Variants in GALNT18 observed in about 807,000 individuals in gnomAD.
The protein encoded by GALNT18 is GalNAc-transferase 18.
Under a neutral mutation model 69.5 loss-of-function variants are expected in GALNT18, and 44 were observed. The observed-to-expected ratio is 0.63, with a 90% CI of 0.50 to 0.81. GALNT18 has a LOEUF of 0.81. GALNT18 is among the 40% of genes least tolerant of loss of function. GALNT18 has a pLI of 0.00. For synonymous variants in GALNT18, 364 were observed against 318.2 expected, an observed-to-expected ratio of 1.14 and a Z score of -1.53; for missense variants, 715 against 810.0, an observed-to-expected ratio of 0.88 and a Z score of 1.42.
rs921478002 is a variant in GALNT18, at chr11:11,480,817, G to A, written c.236-31881C>T. On this transcript the variant is annotated intron_variant, in intron 1 of 10. Transcript: ENST00000227756. The surrounding 1 kb of genome is among the most constrained non-coding windows in gnomAD (Gnocchi z 4.6). The stretch of plus-strand genomic sequence containing the variant: ...GTGCTATGTGATAGAAGGTTCTGTG[G>A]TGAAATGGCTAAGGGAATTACTGCT... Among the ~76,000 whole-genome samples, 6 of 152,182 alleles carry A rather than the reference G, an allele frequency of 3.9e-5. No homozygotes were observed. The highest frequency in any genetic ancestry group is 1.4e-4 in the African/African-American group (6 of 41,452).
rs573215020 is a variant in GALNT18, at chr11:11,608,679, G to A, written c.235+12680C>T. ...CCTGGCCGATTGTCTTCATTTCTAT[G>A]CTTGGGGAAACTGAGGCCCTGCAAG... On this transcript the variant is annotated intron_variant, in intron 1 of 10. Transcript: ENST00000227756. Among the ~76,000 whole-genome samples, 15 of 152,238 alleles carry A rather than the reference G, an allele frequency of 9.9e-5. No individual in the cohort carries two copies. The East Asian group carries it at 2.5e-3, about 26-fold the overall frequency.
intron 8 of GALNT18, among the ~76,000 whole-genome samples, chr11:11,327,818 T>A (rs1161861784): frequency 6.6e-6 from 1 of 152,218 alleles, no homozygotes; most frequent in African/African-American, 2.4e-5. Context: ...TTATATTCAA[T>A]GTTACTTTCT....
At chr11:11,395,249 C>A (rs185673591) in intron 3 of GALNT18, among the ~76,000 whole-genome samples, 5 of 152,292 alleles carry the variant, frequency 3.3e-5, no homozygotes, top group Admixed American at 6.5e-5. Flanking sequence ...CCCAAGAGAG[C>A]CACAGAAGAC....
At chr11:11,548,512 T>C (rs1213852293) in intron 1 of GALNT18, among the ~76,000 whole-genome samples, 1 of 152,184 alleles carries the variant, frequency 6.6e-6, no homozygotes, top group African/African-American at 2.4e-5. Context: ...CTGCATGGCC[T>C]CCATGTCCTC....
chr11:11,612,507 G>A (rs868215620), intron 1 of GALNT18, among the ~76,000 whole-genome samples: 7 of 152,214 alleles, frequency 4.6e-5, no homozygotes, highest in Non-Finnish European at 5.9e-5. Context: ...TAAATCCCCA[G>A]ATGCCGCTAG....
intron 1 of GALNT18, among the ~76,000 whole-genome samples, chr11:11,515,225 C>G (rs748750868): frequency 5.9e-5 from 9 of 152,122 alleles, no homozygotes; most frequent in Admixed American, 2.0e-4. Flanking sequence ...GTACTAGGCA[C>G]AGCAAATGAC....
chr11:11,476,556 T>G (rs899959563), intron 1 of GALNT18: 1 of 152,226 alleles, frequency 6.6e-6, no homozygotes, highest in Non-Finnish European at 1.5e-5. Context: ...ACTCTTGTTC[T>G]GCTATGGACA....
At chr11:11,532,624 C>T (rs1189986601) in intron 1 of GALNT18, among the ~76,000 whole-genome samples, 1 of 152,222 alleles carries the variant, frequency 6.6e-6, no homozygotes, top group Non-Finnish European at 1.5e-5. Flanking sequence ...CTGGTCAATG[C>T]CTGTGCTCAG....
At chr11:11,294,869 G>C (rs1455503943) in intron 9 of GALNT18, among the ~76,000 whole-genome samples, 1 of 152,160 alleles carries the variant, frequency 6.6e-6, no homozygotes, top group Non-Finnish European at 1.5e-5. Flanking sequence ...CTCATCACTA[G>C]TGCTCCCCTG....
At chr11:11,553,008 A>G (rs1358108398) in intron 1 of GALNT18, among the ~76,000 whole-genome samples, 1 of 152,090 alleles carries the variant, frequency 6.6e-6, no homozygotes, top group Non-Finnish European at 1.5e-5. Flanking sequence ...GGTGAGTTTA[A>G]TCTAGATCAG....
rs1285745331 is a variant in GALNT18, at chr11:11,613,208, T to C, written c.235+8151A>G. ...GCTTAAGTGTTCATATAACAAGGAATCCTCTTGCTTAAAGTTCCAGTTGGC... is the reference window on the plus strand; with the variant it reads ...GCTTAAGTGTTCATATAACAAGGAACCCTCTTGCTTAAAGTTCCAGTTGGC... On this transcript the variant is annotated intron_variant, in intron 1 of 10. Transcript: ENST00000227756. This position sits in a 1 kb window ranked among gnomAD's most constrained non-coding sequence, Gnocchi z 4.2. Among the ~76,000 whole-genome samples, 1 of 152,152 alleles carries C rather than the reference T, an allele frequency of 6.6e-6. No individual in the cohort carries two copies. Among genetic ancestry groups the C allele is most frequent in the African/African-American group, 2.4e-5 (1 of 41,422 alleles).
At position 11,340,968 on chromosome 11, in the gene GALNT18, A is replaced by G; in HGVS notation, c.1129T>C (p.Cys377Arg). ...CGCTCAATGTGGGCAATCCGTGAGC[A>G]GGGCAGGACCTCCACACTCCCGCCA... ...QCGGSVEVLPCSRIAHIERAH... is the reference protein window; with the variant it reads ...QCGGSVEVLPRSRIAHIERAH... Residue 377 changes from cysteine to arginine, a missense_variant, in exon 7 of 11, where the codon TGC becomes CGC. Coordinates refer to ENST00000227756, the MANE Select transcript of GALNT18 (RefSeq NM_198516.3). The surrounding 1 kb of genome is among the most constrained non-coding windows in gnomAD (Gnocchi z 4.2). The G allele has an allele frequency of 6.2e-7, 1 of 1,612,308 alleles. No homozygotes were observed. The highest frequency in any genetic ancestry group is 8.5e-7 in the Non-Finnish European group (1 of 1,178,942).
rs1003783578 is a variant in GALNT18, at chr11:11,500,690, C to T, written c.236-51754G>A. Among the ~76,000 whole-genome samples, 1 of 152,216 alleles carries T rather than the reference C, an allele frequency of 6.6e-6. No homozygotes were observed. Among genetic ancestry groups the T allele is most frequent in the Admixed American group, 6.5e-5 (1 of 15,286 alleles). On this transcript the variant is annotated intron_variant, in intron 1 of 10. Transcript: ENST00000227756. The surrounding 1 kb of genome is among the most constrained non-coding windows in gnomAD (Gnocchi z 5.0). ...CCCATGCACAGCACAGAGTCAGCCT[C>T]AGCACGTTTTAGCACCCACAACCCC...
In GALNT18 at chr11:11,617,002, C is replaced by A. The variant is rs1044812534; in HGVS notation, c.235+4357G>T. Among the ~76,000 whole-genome samples the A allele has an allele frequency of 2.0e-5, 3 of 152,132 alleles. No individual in the cohort carries two copies. The highest frequency in any genetic ancestry group is 7.2e-5 in the African/African-American group (3 of 41,422). ...ACAAAAATCGTAACAATTTAGGCTA[C>A]TACACTGAGACTGCTTCATAAGCAC... On this transcript the variant is annotated intron_variant, in intron 1 of 10. Transcript: ENST00000227756. This position sits in a 1 kb window ranked among gnomAD's most constrained non-coding sequence, Gnocchi z 4.7.
chr11:11,441,528 A>C (rs1489165918), intron 2 of GALNT18, among the ~76,000 whole-genome samples: 1 of 152,186 alleles, frequency 6.6e-6, no homozygotes, highest in Non-Finnish European at 1.5e-5. Flanking sequence ...TCGGCCACAT[A>C]GCGCCTGTGG....
At chr11:11,451,444 T>C (rs1272655440) in intron 1 of GALNT18, among the ~76,000 whole-genome samples, 1 of 152,154 alleles carries the variant, frequency 6.6e-6, no homozygotes, top group Admixed American at 6.5e-5. Context: ...TATAAACATA[T>C]TAAAGTCCTG....
chr11:11,448,613 G>A (rs1223651219), intron 2 of GALNT18, 131 bp downstream of exon 2: 2 of 654,940 alleles, frequency 3.1e-6, no homozygotes, highest in African/African-American at 3.8e-5. Flanking sequence ...AAGCCGAGGG[G>A]ACAGGCCCTG....
At chr11:11,344,229 G>A (rs532858923) in intron 6 of GALNT18, among the ~76,000 whole-genome samples, 26 of 144,850 alleles carry the variant, frequency 1.8e-4, no homozygotes, top group African/African-American at 5.6e-4. Context: ...CTGTAGCCAC[G>A]CTATTTTTTT....
At position 11,583,586 on chromosome 11, in the gene GALNT18, T is replaced by A. The variant is rs1203350304; in HGVS notation, c.235+37773A>T. Among the ~76,000 whole-genome samples, 2 of 152,162 alleles carry A rather than the reference T, an allele frequency of 1.3e-5. No homozygotes were observed. The highest frequency in any genetic ancestry group is 1.3e-4 in the Admixed American group (2 of 15,264). ...CCACCTGGCCCCAGCAAAGGATACA[T>A]TTACATCTCATTCCCCAAATGTAGG... On this transcript the variant is annotated intron_variant, in intron 1 of 10. Transcript: ENST00000227756. The surrounding 1 kb of genome is among the most constrained non-coding windows in gnomAD (Gnocchi z 4.7).
Sources: gnomAD v4.1 joint callset for allele counts (sites outside exome capture counted in the v4.1 genomes callset) on GRCh38, gnomAD v4.1.1 for gene constraint, Gnocchi (gnomAD v3.1) non-coding constraint, MANE v1.5 for transcripts, NCBI Gene and HGNC (gene_info 2026-07-23, HGNC 2026-07-21) for gene names.